NUP188: variants seen among roughly 807,000 people sequenced by gnomAD.
NUP188 encodes nucleoporin NUP188.
In NUP188, 97 loss-of-function variants were observed where a neutral mutation model predicts 223.0. The observed-to-expected ratio is 0.43, with a 90% CI of 0.37 to 0.51. The LOEUF is 0.51. NUP188 is among the 20% of genes least tolerant of loss of function. NUP188 has a pLI of 0.00. For synonymous variants in NUP188, 869 were observed against 828.0 expected, an observed-to-expected ratio of 1.05 and a Z score of -0.85; for missense variants, 1,947 against 2,175.6, an observed-to-expected ratio of 0.89 and a Z score of 2.09.
intron 12 of NUP188, among the ~76,000 whole-genome samples, chr9:128,978,927 T>C (rs1842217121): frequency 6.6e-6 from 1 of 152,176 alleles, no homozygotes; most frequent in South Asian, 2.1e-4. Flanking sequence ...GCCAGGCTGG[T>C]CTCGAACTCC....
chr9:128,985,542 A>G (rs1842321502), intron 20 of NUP188, among the ~76,000 whole-genome samples: 1 of 152,202 alleles, frequency 6.6e-6, no homozygotes, highest in Non-Finnish European at 1.5e-5. Context: ...AATGACATAG[A>G]GCATAAATTT....
intron 38 of NUP188, chr9:129,003,918 A>T (rs538237356): frequency 3.5e-6 from 1 of 286,162 alleles, no homozygotes; most frequent in African/African-American, 2.4e-5. Context: ...GGTTGCAGTG[A>T]GCTAGGATCG....
intron 12 of NUP188, among the ~76,000 whole-genome samples, chr9:128,975,869 T>G (rs1349093260): frequency 6.6e-6 from 1 of 152,170 alleles, no homozygotes; most frequent in African/African-American, 2.4e-5. Flanking sequence ...TCGCCCAGGC[T>G]GGAGTACAGT....
At chr9:128,964,007 G>T (rs553552003) in intron 8 of NUP188, among the ~76,000 whole-genome samples, 1 of 151,960 alleles carries the variant, frequency 6.6e-6, no homozygotes, top group African/African-American at 2.4e-5. Flanking sequence ...GTAGAGACAG[G>T]GTTTCACCGT....
intron 20 of NUP188, 35 bp downstream of exon 20, chr9:128,985,049 A>C: frequency 6.9e-7 from 1 of 1,459,234 alleles, no homozygotes; most frequent in South Asian, 1.2e-5. Context: ...GGGCAGAAAA[A>C]GAAAAGGTCC....
chr9:128,968,352 G>A (rs1470729182), intron 8 of NUP188, among the ~76,000 whole-genome samples, 154 bp from the exon 9 acceptor site: 1 of 152,162 alleles, frequency 6.6e-6, no homozygotes, highest in Non-Finnish European at 1.5e-5. Context: ...GAGGTAGGAG[G>A]ATCAGTTGCG....
chr9:128,994,516 C>T (rs1022403373), intron 28 of NUP188, 74 bp downstream of exon 28: 113 of 990,482 alleles, frequency 1.1e-4, no homozygotes, highest in Admixed American at 2.3e-4. Context: ...GAGATGGGGC[C>T]GTAGACAATG....
Position 129,005,627 on chromosome 9 carries a change from T to C in NUP188, c.4738-18T>C. The C allele has an allele frequency of 6.2e-7, 1 of 1,612,606 alleles. No homozygotes were observed. The highest frequency in any genetic ancestry group is 1.3e-5 in the African/African-American group (1 of 75,022). On this transcript the variant is annotated intron_variant, in intron 40 of 43. Transcript: ENST00000372577. ...GGGCCTTAATTGGGTCCTGGATGGC[T>C]CTTGTCTTTTCTCGCAGTCCCTGGA... is the stretch of plus-strand genomic sequence containing the variant.
intron 11 of NUP188, 117 bp downstream of exon 11, chr9:128,971,075 G>A: frequency 1.3e-6 from 1 of 778,220 alleles, no homozygotes; most frequent in Admixed American, 2.0e-5. Flanking sequence ...AACCTTTTGA[G>A]AGCATTTAGA....
At chr9:128,967,721 C>T (rs377689703) in intron 8 of NUP188, among the ~76,000 whole-genome samples, 298 of 151,248 alleles carry the variant, frequency 2.0e-3, no homozygotes, top group African/African-American at 6.6e-3. Flanking sequence ...ACCTGGGAGG[C>T]GGAGGTTGCA....
intron 32 of NUP188, among the ~76,000 whole-genome samples, chr9:128,998,895 C>T (rs373838984): frequency 6.4e-5 from 9 of 140,808 alleles, no homozygotes; most frequent in African/African-American, 1.6e-4. Flanking sequence ...CTCACTCTGT[C>T]GCCCAGGCTG....
chr9:129,000,581 G>A (rs1324820230), intron 34 of NUP188, among the ~76,000 whole-genome samples: 3 of 151,808 alleles, frequency 2.0e-5, no homozygotes, highest in African/African-American at 7.3e-5. Flanking sequence ...ATCTCCCAAA[G>A]TGCTGGGATT....
At position 128,969,467 on chromosome 9, in the gene NUP188, G is replaced by C. The variant is rs558933370; in HGVS notation, c.865G>C (p.Asp289His). 6.2e-7 allele frequency: 1 copy of C among 1,601,244 alleles called. No individual in the cohort carries two copies. The highest frequency in any genetic ancestry group is 1.1e-5 in the South Asian group (1 of 88,670). The change falls in exon 10 of 44, where the codon GAC becomes CAC. Residue 289 changes from aspartate to histidine, a missense_variant. Transcript: ENST00000372577. ...GTCCTTGCATAAGTGTGCTTTGGATGACAGAAGAGAACTGCATCAGTTTGC... is the reference window on the plus strand; with the variant it reads ...GTCCTTGCATAAGTGTGCTTTGGATCACAGAAGAGAACTGCATCAGTTTGC... Reference protein sequence around the residue: ...IESLHKCALDDRRELHQFAQD... With the variant: ...IESLHKCALDHRRELHQFAQD...
chr9:128,997,830 C>T (rs1237093018), intron 30 of NUP188, among the ~76,000 whole-genome samples: 29 of 152,134 alleles, frequency 1.9e-4, no homozygotes, highest in Admixed American at 1.8e-3. Context: ...AAGCAATTCT[C>T]CTGCCTCAGC....
In NUP188 at chr9:129,006,802, G is replaced by A; in HGVS notation, c.*124G>A. The A allele has an allele frequency of 9.9e-7, 1 of 1,006,996 alleles. No homozygotes were observed. Among genetic ancestry groups the A allele is most frequent in the Non-Finnish European group, 1.4e-6 (1 of 706,474 alleles). 62.4% of individuals were successfully genotyped at this position (1,006,996 alleles called of 1,614,324 possible). A position where few individuals can be genotyped will look rare whatever the true frequency, so the allele number is the denominator to read the frequency against. On this transcript the variant is annotated 3_prime_UTR_variant, in exon 44 of 44. Transcript: ENST00000372577. ...CACCTCCTGTCACCCCCCTCCCGGA[G>A]TAGCCACGACTCCAGCCACCACCCA...
Position 128,990,139 on chromosome 9 carries a change from C to G in NUP188, c.2553C>G (p.Leu851=). ...LSQHGAHGNN[L]IAVLAKYIYH... ...CTTTAGGTGCTCATGGAAACAACCT[C>G]ATTGCTGTTCTAGCCAAATACATCT... is the stretch of plus-strand genomic sequence containing the variant. The change falls in exon 25 of 44, where the codon CTC becomes CTG. Residue 851 remains leucine (L), a synonymous_variant. Coordinates refer to ENST00000372577, the MANE Select transcript of NUP188 (RefSeq NM_015354.3). The G allele has an allele frequency of 6.2e-7, 1 of 1,613,926 alleles. No individual in the cohort carries two copies. Among genetic ancestry groups the G allele is most frequent in the Non-Finnish European group, 8.5e-7 (1 of 1,179,784 alleles).
At position 129,006,137 on chromosome 9, in the gene NUP188, C is replaced by T; in HGVS notation, c.4943+14C>T. 3 of 1,614,132 alleles carry T rather than the reference C, an allele frequency of 1.9e-6. No homozygotes were observed. The highest frequency in any genetic ancestry group is 2.5e-6 in the Non-Finnish European group (3 of 1,180,016). ...CAGGACGTTAAAGTAAGTGCTCTTT[C>T]TGGGATTTGATAAGGGGCTGGGGCA... On this transcript the variant is annotated intron_variant, in intron 42 of 43. Transcript: ENST00000372577.
At chr9:129,005,889 C>A in intron 41 of NUP188, 113 bp downstream of exon 41, 1 of 1,441,974 alleles carries the variant, frequency 6.9e-7, no homozygotes, top group South Asian at 1.3e-5. Flanking sequence ...CAAGCCTGCT[C>A]CTCTCTGTAA....
intron 8 of NUP188, among the ~76,000 whole-genome samples, chr9:128,967,970 T>TA (rs1842054474): frequency 6.6e-6 from 1 of 151,962 alleles, no homozygotes; most frequent in Non-Finnish European, 1.5e-5. Flanking sequence ...AAAGAAAAGA[T>TA]ACATTGGTTG....
Sources: gnomAD v4.1 joint callset for allele counts (sites outside exome capture counted in the v4.1 genomes callset) on GRCh38, gnomAD v4.1.1 for gene constraint, MANE v1.5 for transcripts, NCBI Gene and HGNC (gene_info 2026-07-23, HGNC 2026-07-21) for gene names.